The following GLMN variants were observed in gnomAD, a reference collection of about 807,000 sequenced individuals.
GLMN encodes glomulin, FKBP associated protein.
A neutral mutation model predicts 87.8 loss-of-function variants in GLMN; 75 were observed. The observed-to-expected ratio is 0.85, with a 90% confidence interval of 0.71 to 1.04. The LOEUF (loss-of-function observed/expected upper bound fraction) is 1.04, where lower values mean the gene tolerates loss of function less well. Ranked by LOEUF, GLMN falls within the 50% of genes least tolerant of loss-of-function variation. GLMN has a pLI of 0.00. For missense variants in GLMN, 588 were observed against 658.8 expected, an observed-to-expected ratio of 0.89 and a Z score of 1.18; for synonymous variants, 206 against 221.6, an observed-to-expected ratio of 0.93 and a Z score of 0.63.
At chr1:92,268,295 A>G (rs1434220473) in intron 9 of GLMN, among the ~76,000 whole-genome samples, 160 bp from the exon 10 acceptor site, 1 of 152,244 alleles carries the variant, frequency 6.6e-6, no homozygotes, top group Non-Finnish European at 1.5e-5. Context: ...GTTTTAATCC[A>G]TCTTTGATCT....
chr1:92,300,984 C>T (rs980931213), upstream of GLMN, among the ~76,000 whole-genome samples: 4 of 152,106 alleles, frequency 2.6e-5, no homozygotes, highest in African/African-American at 7.2e-5. Context: ...TGTGATGTTA[C>T]GAGAAGGAAT....
chr1:92,343,514 A>G, the GLMN span, among the ~76,000 whole-genome samples: 1 of 152,220 alleles, frequency 6.6e-6, no homozygotes, highest in African/African-American at 2.4e-5. Flanking sequence ...TGATGGGGAA[A>G]ATTCAGATTA....
the GLMN span, among the ~76,000 whole-genome samples, chr1:92,329,056 C>T: frequency 1.3e-5 from 2 of 152,152 alleles, no homozygotes; most frequent in Non-Finnish European, 2.9e-5. Flanking sequence ...GTGAAGTGGA[C>T]TCTGTGAGGG....
the GLMN span, among the ~76,000 whole-genome samples, chr1:92,346,720 A>G: frequency 2.0e-5 from 3 of 152,220 alleles, no homozygotes; most frequent in Admixed American, 2.0e-4. Context: ...AAAAGCATAT[A>G]TAAAACATTT....
At chr1:92,332,612 A>T in the GLMN span, among the ~76,000 whole-genome samples, 1 of 152,154 alleles carries the variant, frequency 6.6e-6, no homozygotes, top group Non-Finnish European at 1.5e-5. Context: ...ACTGTAATGT[A>T]ATCAGAGATT....
chr1:92,324,295 T>C, the GLMN span: 1 of 1,613,990 alleles, frequency 6.2e-7, no homozygotes, highest in Non-Finnish European at 8.5e-7. Context: ...AACTGAAAAG[T>C]TAAATCTGAG....
chr1:92,343,263 G>A, the GLMN span, among the ~76,000 whole-genome samples: 1,196 of 152,280 alleles, frequency 7.9e-3, 6 homozygotes, highest in African/African-American at 0.027. Context: ...TGAGGGTTGC[G>A]AAATGTCCGT....
chr1:92,314,150 C>T, the GLMN span, among the ~76,000 whole-genome samples: 87 of 152,282 alleles, frequency 5.7e-4, no homozygotes, highest in African/African-American at 2.0e-3. Context: ...CTTTTGCATT[C>T]ACAACTTGCG....
At chr1:92,278,447 G>A (rs1387194849) in intron 7 of GLMN, among the ~76,000 whole-genome samples, 1 of 152,054 alleles carries the variant, frequency 6.6e-6, no homozygotes, top group Non-Finnish European at 1.5e-5. Context: ...AATTATATCA[G>A]TCACCAAGTC....
upstream of GLMN, among the ~76,000 whole-genome samples, chr1:92,303,062 A>G (rs984833627): frequency 2.0e-5 from 3 of 152,194 alleles, no homozygotes; most frequent in Non-Finnish European, 4.4e-5. Flanking sequence ...AAAAATTTTG[A>G]AACAGCTTTA....
intron 16 of GLMN, among the ~76,000 whole-genome samples, chr1:92,252,767 T>C (rs1234561514): frequency 6.6e-6 from 1 of 152,134 alleles, no homozygotes; most frequent in African/African-American, 2.4e-5. Context: ...TCTTTCAGTG[T>C]CTAGAAAAAG....
rs151245338 is a variant in GLMN at position 92,276,234 on chromosome 1, T to G, written c.736-4582A>C. On this transcript the variant is annotated intron_variant, in intron 7 of 18. Transcript: ENST00000370360. ...GAGCAAGACCCTATCTCAAAAAATATATATACACATTTACATATAATTCTA... is the reference window on the plus strand; with the variant it reads ...GAGCAAGACCCTATCTCAAAAAATAGATATACACATTTACATATAATTCTA... Among the ~76,000 whole-genome samples, 899 of 152,024 alleles carry G rather than the reference T, an allele frequency of 5.9e-3. 8 individuals carry two copies. The highest frequency in any genetic ancestry group is 0.019 in the African/African-American group (791 of 41,494).
In GLMN at chr1:92,281,240, A is replaced by C. The variant is rs544039442; in HGVS notation, c.735+5250T>G. On this transcript the variant is annotated intron_variant, in intron 7 of 18. Transcript: ENST00000370360. Reference sequence around the variant, plus strand: ...AGAGAAAGGTCAGGTTACCCACAAAAGGAAGCCCATCAGACTAACAGCAGA... The same window carrying C: ...AGAGAAAGGTCAGGTTACCCACAAACGGAAGCCCATCAGACTAACAGCAGA... Among the ~76,000 whole-genome samples, 81 of 152,314 alleles carry C rather than the reference A, an allele frequency of 5.3e-4. 2 individuals carry two copies. Among genetic ancestry groups the C allele is most frequent in the African/African-American group, 1.9e-3 (81 of 41,580 alleles).
chr1:92,292,215 C>A lies in GLMN; in HGVS notation c.166-678G>T, dbSNP rs371154583. 1.5e-3 allele frequency among the ~76,000 whole-genome samples: 218 copies of A among 144,088 alleles called. 3 individuals carry two copies. The highest frequency in any genetic ancestry group is 5.7e-3 in the African/African-American group (215 of 37,860). The allele number at this position is 144,088 out of a possible 152,430, so 94.5% of individuals were successfully genotyped here. On this transcript the variant is annotated intron_variant, in intron 3 of 18. Coordinates refer to ENST00000370360, the MANE Select transcript of GLMN (RefSeq NM_053274.3). ...TAGAGGTTAGAAATAAAGTGAGGAA[C>A]ACACTGGATAAGATCACTACCCTCC...
intron 16 of GLMN, among the ~76,000 whole-genome samples, chr1:92,254,967 T>C (rs1278235889): frequency 6.6e-6 from 1 of 151,836 alleles, no homozygotes. Context: ...ACTGGCAAAT[T>C]GAATAAAGAG....
chr1:92,259,142 A>G (rs777873441), intron 16 of GLMN, among the ~76,000 whole-genome samples: 1 of 152,198 alleles, frequency 6.6e-6, no homozygotes, highest in Non-Finnish European at 1.5e-5. Context: ...ATGAGTAAAC[A>G]GATGGATGGG....
At position 92,290,302 on chromosome 1, in the gene GLMN, C is replaced by T; in HGVS notation, c.290G>A (p.Cys97Tyr). 1 of 1,559,488 alleles carries T rather than the reference C, an allele frequency of 6.4e-7. No homozygotes were observed. The highest frequency in any genetic ancestry group is 1.1e-5 in the South Asian group (1 of 89,948). Reference sequence around the variant, plus strand: ...ACCCAACAATAATTCCTTTGGATTGCATAACTATAAAAATATTCACAATTG... The same window carrying T: ...ACCCAACAATAATTCCTTTGGATTGTATAACTATAAAAATATTCACAATTG... ...FLIFDLLVKL[C>Y]NPKELLLGLL... is the part of the protein sequence containing the mutation. Residue 97 changes from cysteine to tyrosine, a missense_variant, in exon 5 of 19, where the codon TGC becomes TAC. Transcript: ENST00000370360.
At chr1:92,272,835 C>T (rs750557268) in intron 7 of GLMN, among the ~76,000 whole-genome samples, 17 of 152,170 alleles carry the variant, frequency 1.1e-4, no homozygotes, top group East Asian at 9.6e-4. Context: ...CTAATTCTAG[C>T]GTACCAGAAA....
the GLMN span, among the ~76,000 whole-genome samples, chr1:92,351,305 C>CAAAAAAAAAAAAAAAAAAA: frequency 3.0e-4 from 26 of 86,830 alleles, no homozygotes; most frequent in African/African-American, 1.1e-3. Flanking sequence ...GACTCTGTCT[C>CAAAAAAAAAAAAAAAAAAA]AAAAAAAAAA....
Sources: allele counts gnomAD v4.1 joint callset (sites outside exome capture counted in the v4.1 genomes callset), GRCh38; gene constraint gnomAD v4.1.1; transcripts MANE v1.5; gene names NCBI Gene and HGNC (gene_info 2026-07-23, HGNC 2026-07-21).